The following PTPRK variants were observed in gnomAD, a reference collection of about 807,000 sequenced individuals.
The protein encoded by PTPRK is protein tyrosine phosphatase receptor type K, also known as receptor-type tyrosine-protein phosphatase kappa.
PTPRK carries 75 observed loss-of-function variants against 178.0 expected under a neutral mutation model. That is an observed-to-expected ratio of 0.42 (90% confidence interval 0.35 to 0.51). The LOEUF (loss-of-function observed/expected upper bound fraction) is 0.51, where lower values mean the gene tolerates loss of function less well. PTPRK is among the 20% of genes least tolerant of loss of function. PTPRK has a pLI of 0.02. For missense variants in PTPRK, 1,441 were observed against 1,797.8 expected (o/e 0.80, Z 3.59); for synonymous variants, 637 against 620.6 (o/e 1.03, Z -0.39).
chr6:128,407,329 T>C (rs1841776002), intron 1 of PTPRK, among the ~76,000 whole-genome samples: 1 of 152,164 alleles, frequency 6.6e-6, no homozygotes, highest in Non-Finnish European at 1.5e-5. Flanking sequence ...TGAAATATTC[T>C]GATCTCATCA....
intron 1 of PTPRK, among the ~76,000 whole-genome samples, chr6:128,452,486 A>C (rs1847916464): frequency 6.6e-6 from 1 of 152,168 alleles, no homozygotes; most frequent in East Asian, 1.9e-4. Flanking sequence ...CCTAAGCTTC[A>C]ATCGCTGGGG....
chr6:128,318,322 T>C (rs1391558809), intron 3 of PTPRK, among the ~76,000 whole-genome samples: 2 of 152,210 alleles, frequency 1.3e-5, no homozygotes, highest in Non-Finnish European at 2.9e-5. Flanking sequence ...CTCTGGAGTA[T>C]AACAATCTTT....
chr6:128,273,654 G>C (rs1310388949), intron 3 of PTPRK, among the ~76,000 whole-genome samples: 1 of 152,300 alleles, frequency 6.6e-6, no homozygotes, highest in African/African-American at 2.4e-5. Context: ...AAACGTGTAA[G>C]TGTCCTGGGC....
In PTPRK at chr6:128,480,234, C is replaced by G. The variant is rs147462112; in HGVS notation, c.100+40025G>C. Reference sequence around the variant, plus strand: ...ACCAGGCTTGACCTCTCTCATTCCCCTTTCGCGCTTGTTCTTCCAGATGCC... The same window carrying G: ...ACCAGGCTTGACCTCTCTCATTCCCGTTTCGCGCTTGTTCTTCCAGATGCC... On this transcript the variant is annotated intron_variant, in intron 1 of 29. Coordinates refer to ENST00000368226, the MANE Select transcript of PTPRK (RefSeq NM_002844.4). 4.1e-3 allele frequency among the ~76,000 whole-genome samples: 625 copies of G among 152,276 alleles called. 5 individuals carry two copies. Among genetic ancestry groups the G allele is most frequent in the African/African-American group, 0.014 (578 of 41,562 alleles).
chr6:128,207,071 T>C (rs984428775), intron 6 of PTPRK, among the ~76,000 whole-genome samples: 7 of 152,196 alleles, frequency 4.6e-5, no homozygotes, highest in East Asian at 1.9e-4. Context: ...GGAATCATTA[T>C]GCCCCAGAAC....
intron 15 of PTPRK, chr6:128,001,295 T>G: frequency 1.0e-6 from 1 of 957,936 alleles, no homozygotes; most frequent in Non-Finnish European, 1.6e-6. Context: ...CAGTAAGTAT[T>G]AGCATTAAGC....
Position 128,221,874 on chromosome 6 carries a change from C to T in PTPRK, c.694-2778G>A, listed in dbSNP as rs564697833. 3.2e-3 allele frequency among the ~76,000 whole-genome samples: 487 copies of T among 152,020 alleles called. 1 individual carries two copies. Among genetic ancestry groups the T allele is most frequent in the African/African-American group, 0.011 (466 of 41,460 alleles). The stretch of plus-strand genomic sequence containing the variant: ...GCCAAAACTCTTTCCCTACAAACCA[C>T]ATAAACCAAAAAAAAAAATTATACA... On this transcript the variant is annotated intron_variant, in intron 5 of 29. Coordinates refer to ENST00000368226, the MANE Select transcript of PTPRK (RefSeq NM_002844.4).
chr6:128,466,142 T>A (rs1849816576), intron 1 of PTPRK, among the ~76,000 whole-genome samples: 1 of 152,176 alleles, frequency 6.6e-6, no homozygotes, highest in African/African-American at 2.4e-5. Flanking sequence ...AAAAAATTAC[T>A]AAATGTTTTT....
At chr6:128,105,236 C>G (rs1182706012) in intron 7 of PTPRK, among the ~76,000 whole-genome samples, 1 of 151,980 alleles carries the variant, frequency 6.6e-6, no homozygotes, top group African/African-American at 2.4e-5. Context: ...CGGGTTCGCG[C>G]CATTCTGCTG....
intron 7 of PTPRK, among the ~76,000 whole-genome samples, chr6:128,111,010 G>T (rs984290660): frequency 5.3e-5 from 8 of 152,248 alleles, no homozygotes; most frequent in Admixed American, 2.0e-4. Context: ...AGGATCGGCA[G>T]TTCAAATGAC....
At chr6:128,337,744 T>C (rs1356295763) in intron 2 of PTPRK, among the ~76,000 whole-genome samples, 1 of 152,150 alleles carries the variant, frequency 6.6e-6, no homozygotes, top group Non-Finnish European at 1.5e-5. Context: ...GAAACTGTGA[T>C]GACCTCTACA....
chr6:128,105,415 G>A (rs1418522970), intron 7 of PTPRK, among the ~76,000 whole-genome samples: 2 of 152,172 alleles, frequency 1.3e-5, no homozygotes, highest in Admixed American at 6.5e-5. Flanking sequence ...TTACAGGCGT[G>A]AGCCACCGCA....
chr6:128,061,384 A>C (rs1443636445), intron 13 of PTPRK, among the ~76,000 whole-genome samples: 1 of 152,190 alleles, frequency 6.6e-6, no homozygotes, highest in East Asian at 1.9e-4. Context: ...TGTGTGGTAA[A>C]AGGACACACT....
At chr6:128,039,900 G>A (rs1044370401) in intron 13 of PTPRK, among the ~76,000 whole-genome samples, 1 of 152,162 alleles carries the variant, frequency 6.6e-6, no homozygotes, top group African/African-American at 2.4e-5. Flanking sequence ...CCAATATTTA[G>A]CGCCTGGTGG....
At chr6:128,216,947 T>C (rs1245840395) in intron 6 of PTPRK, among the ~76,000 whole-genome samples, 1 of 152,212 alleles carries the variant, frequency 6.6e-6, no homozygotes, top group Non-Finnish European at 1.5e-5. Context: ...TATACATCAC[T>C]GTTATTCAAA....
chr6:128,111,534 A>C (rs1317108343), intron 7 of PTPRK, among the ~76,000 whole-genome samples: 1 of 152,166 alleles, frequency 6.6e-6, no homozygotes, highest in East Asian at 1.9e-4. Flanking sequence ...ATTTTACATC[A>C]TTTTTCTGAT....
At chr6:128,128,371 T>C (rs1793706043) in intron 7 of PTPRK, among the ~76,000 whole-genome samples, 1 of 152,290 alleles carries the variant, frequency 6.6e-6, no homozygotes, top group East Asian at 1.9e-4. Context: ...GCATAGGCAC[T>C]GTGCTTCAGC....
chr6:128,156,472 T>C (rs1196137438), intron 7 of PTPRK, among the ~76,000 whole-genome samples: 1 of 151,554 alleles, frequency 6.6e-6, no homozygotes, highest in Non-Finnish European at 1.5e-5. Flanking sequence ...CATTTAACCA[T>C]GGTGGAGCAA....
At chr6:128,154,770 G>C (rs1213584894) in intron 7 of PTPRK, among the ~76,000 whole-genome samples, 1 of 151,634 alleles carries the variant, frequency 6.6e-6, no homozygotes, top group South Asian at 2.1e-4. Flanking sequence ...TACTTACATA[G>C]TGATGAAAGA....
Sources: gnomAD v4.1 joint callset for allele counts (sites outside exome capture counted in the v4.1 genomes callset) on GRCh38, gnomAD v4.1.1 for gene constraint, MANE v1.5 for transcripts, NCBI Gene and HGNC (gene_info 2026-07-23, HGNC 2026-07-21) for gene names.